Variants in FRMPD4 observed in about 807,000 individuals in gnomAD.
The protein encoded by FRMPD4 is FERM and PDZ domain-containing protein 4.
In FRMPD4, 22 loss-of-function variants were observed where a neutral mutation model predicts 94.1. The observed-to-expected ratio is 0.23, with a 90% confidence interval of 0.17 to 0.33. The LOEUF (loss-of-function observed/expected upper bound fraction) is 0.33. FRMPD4 is among the 10% of genes least tolerant of loss of function. The pLI is 1.00. For synonymous variants in FRMPD4, 631 were observed against 548.6 expected (o/e 1.15, Z -2.10); for missense variants, 1,111 against 1,339.9 (o/e 0.83, Z 2.67).
At chrX:11,875,443 A>G in intron 2 of FRMPD4, among the ~76,000 whole-genome samples, 1 of 111,976 alleles carries the variant, frequency 8.9e-6, no homozygotes, top group African/African-American at 3.3e-5. Flanking sequence ...CAGCCAAGGA[A>G]TAGATCTGGA....
chrX:12,584,537 A>G (rs763421263), intron 2 of FRMPD4, among the ~76,000 whole-genome samples: 2 of 111,776 alleles, frequency 1.8e-5, no homozygotes, highest in Non-Finnish European at 3.8e-5. Context: ...CCTAGCCCAC[A>G]TATTATGAAT....
intron 3 of FRMPD4, among the ~76,000 whole-genome samples, chrX:12,100,962 T>C (rs1212086772): frequency 8.9e-6 from 1 of 112,458 alleles, no homozygotes; most frequent in African/African-American, 3.2e-5. Flanking sequence ...TTTCAGGACA[T>C]ATCTCACAGC....
chrX:12,481,231 C>G (rs1024008461), intron 1 of FRMPD4, among the ~76,000 whole-genome samples: 2 of 110,952 alleles, frequency 1.8e-5, no homozygotes, highest in South Asian at 3.9e-4. Flanking sequence ...TTTCTATTGT[C>G]AGGATTCATA....
intron 1 of FRMPD4, among the ~76,000 whole-genome samples, chrX:12,483,168 G>A (rs147745213): frequency 0.027 from 2,979 of 111,930 alleles, 114 homozygotes; most frequent in African/African-American, 0.093. Context: ...AGGTTTGGGG[G>A]AATGAACATG....
At chrX:12,009,799 T>C (rs762250822) in intron 3 of FRMPD4, among the ~76,000 whole-genome samples, 1 of 112,362 alleles carries the variant, frequency 8.9e-6, no homozygotes, top group Non-Finnish European at 1.9e-5. Context: ...TGCTTGTATC[T>C]TCTAAAGTGT....
intron 2 of FRMPD4, among the ~76,000 whole-genome samples, chrX:12,540,673 C>T (rs775523055): frequency 9.0e-6 from 1 of 111,500 alleles, no homozygotes; most frequent in South Asian, 3.9e-4. Context: ...CAACATTAGA[C>T]AGATCAACAA....
At chrX:11,930,107 C>CAAAAAAAAA (rs55973946) in intron 3 of FRMPD4, among the ~76,000 whole-genome samples, 579 of 13,263 alleles carry the variant, frequency 0.044, 144 homozygotes, top group East Asian at 0.075. Flanking sequence ...GACTCTGTCT[C>CAAAAAAAAA]AAAAAAAAAA....
chrX:12,034,335 T>A (rs755666838), intron 3 of FRMPD4, among the ~76,000 whole-genome samples: 1 of 112,038 alleles, frequency 8.9e-6, no homozygotes, highest in African/African-American at 3.2e-5. Context: ...GAGATGATTG[T>A]AAGCAAGATC....
intron 1 of FRMPD4, among the ~76,000 whole-genome samples, chrX:12,475,505 A>G (rs1171455099): frequency 1.8e-5 from 2 of 111,902 alleles, no homozygotes; most frequent in Non-Finnish European, 3.8e-5. Flanking sequence ...TGCAATTAGG[A>G]AAAGAGGAAG....
At chrX:12,489,341 C>A (rs906614458) in intron 1 of FRMPD4, among the ~76,000 whole-genome samples, 23 of 112,011 alleles carry the variant, frequency 2.1e-4, no homozygotes, top group Non-Finnish European at 4.3e-4. Context: ...ATGTCCCCAA[C>A]AAACAGTGAG....
intron 1 of FRMPD4, among the ~76,000 whole-genome samples, chrX:12,417,395 A>T (rs1311464027): frequency 5.5e-5 from 6 of 109,012 alleles, no homozygotes; most frequent in South Asian, 8.2e-4. Flanking sequence ...CCTGGCCAAC[A>T]TGGTGAAACC....
intron 1 of FRMPD4, among the ~76,000 whole-genome samples, chrX:12,425,227 T>C (rs2056931863): frequency 8.9e-6 from 1 of 112,487 alleles, no homozygotes; most frequent in Non-Finnish European, 1.9e-5. Context: ...TCCTGTTTAG[T>C]CTTTTTGCTT....
intron 2 of FRMPD4, among the ~76,000 whole-genome samples, chrX:12,599,883 T>C (rs1041666765): frequency 1.8e-5 from 2 of 109,231 alleles, no homozygotes; most frequent in Non-Finnish European, 3.8e-5. Flanking sequence ...TCTGTACTAC[T>C]GTAAATAATA....
chrX:12,433,836 G>GA (rs1037634590), intron 1 of FRMPD4, among the ~76,000 whole-genome samples: 1 of 111,723 alleles, frequency 9.0e-6, no homozygotes, highest in South Asian at 3.8e-4. Flanking sequence ...TAGTTAGCCT[G>GA]AAAAAAAATC....
intron 2 of FRMPD4, among the ~76,000 whole-genome samples, chrX:12,528,319 GTT>G (rs62720861): frequency 1.9e-4 from 14 of 73,834 alleles, no homozygotes; most frequent in East Asian, 7.8e-4. Flanking sequence ...TTTTGTTTTT[GTT>G]TTTTTTTTTT....
At position 12,598,587 on chromosome X, in the gene FRMPD4, G is replaced by A. The variant is rs780300374; in HGVS notation, c.159-11134G>A. Among the ~76,000 whole-genome samples the A allele has an allele frequency of 1.1e-4, 12 of 111,512 alleles. No homozygotes were observed. The South Asian group carries it at 4.6e-3, about 42-fold the overall frequency. On this transcript the variant is annotated intron_variant, in intron 2 of 16. Transcript: ENST00000675598. Reference sequence around the variant, plus strand: ...ATGCTGCTGGTGGGGTTGAGGGCAGGGAGATGAGATTCAGTTCACATGTAC... The same window carrying A: ...ATGCTGCTGGTGGGGTTGAGGGCAGAGAGATGAGATTCAGTTCACATGTAC...
chrX:11,961,909 GA>G (rs58679104), intron 3 of FRMPD4, among the ~76,000 whole-genome samples: 11 of 103,645 alleles, frequency 1.1e-4, no homozygotes, highest in East Asian at 3.0e-4. Context: ...ATGTTAAAAA[GA>G]AAAAAAAAAC....
intron 1 of FRMPD4, among the ~76,000 whole-genome samples, chrX:12,205,812 T>A (rs761079705): frequency 2.8e-4 from 31 of 112,412 alleles, no homozygotes; most frequent in Non-Finnish European, 4.7e-4. Flanking sequence ...GTGTAATGTA[T>A]TCAGCAAATA....
At chrX:12,545,582 C>G (rs1277902875) in intron 2 of FRMPD4, among the ~76,000 whole-genome samples, 1 of 112,820 alleles carries the variant, frequency 8.9e-6, no homozygotes, top group Non-Finnish European at 1.9e-5. Flanking sequence ...ATGGGCATAA[C>G]TCTTTTGGAA....
Sources: allele counts gnomAD v4.1 joint callset (sites outside exome capture counted in the v4.1 genomes callset), GRCh38; gene constraint gnomAD v4.1.1; transcripts MANE v1.5; gene names NCBI Gene and HGNC (gene_info 2026-07-23, HGNC 2026-07-21).